The following ZC3H12B variants were observed in gnomAD, a reference collection of about 807,000 sequenced individuals.
ZC3H12B encodes the protein zinc finger CCCH-type containing 12B.
ZC3H12B carries 7 observed loss-of-function variants against 43.9 expected under a neutral mutation model. The ratio of observed to expected loss-of-function variants is 0.16; its 90% CI spans 0.09 to 0.30. ZC3H12B has a LOEUF of 0.30. Among genes scored for constraint, ZC3H12B ranks in the 10% least tolerant of loss-of-function variants. ZC3H12B has a pLI of 1.00. For missense variants in ZC3H12B, 475 were observed against 670.2 expected (o/e 0.71, Z 3.22); for synonymous variants, 222 against 241.7 (o/e 0.92, Z 0.76).
chrX:65,368,313 A>T (rs2066200091), intron 1 of ZC3H12B, among the ~76,000 whole-genome samples: 1 of 111,503 alleles, frequency 9.0e-6, no homozygotes, highest in Non-Finnish European at 1.9e-5. Flanking sequence ...TGTTTATTCT[A>T]AATTGTGGTC....
At chrX:65,217,372 A>G in the ZC3H12B span, among the ~76,000 whole-genome samples, 11 of 111,686 alleles carry the variant, frequency 9.8e-5, no homozygotes, top group Non-Finnish European at 2.1e-4. Flanking sequence ...GAAGACTGGA[A>G]TAAATGCCCA....
At chrX:65,058,858 C>T in the ZC3H12B span, among the ~76,000 whole-genome samples, 5 of 112,244 alleles carry the variant, frequency 4.5e-5, no homozygotes, top group African/African-American at 6.5e-5. Context: ...GCTTCGTGGG[C>T]GTGTGACCCT....
chrX:65,302,570 G>A, the ZC3H12B span, among the ~76,000 whole-genome samples: 2 of 112,038 alleles, frequency 1.8e-5, no homozygotes, highest in African/African-American at 6.5e-5. Flanking sequence ...ATATTTTGAA[G>A]ATGTCACTTC....
At chrX:65,361,730 G>A (rs1293490147), upstream of ZC3H12B, among the ~76,000 whole-genome samples, 5 of 109,800 alleles carry the variant, frequency 4.6e-5, no homozygotes, top group Non-Finnish European at 9.5e-5. Flanking sequence ...TTATTACCCA[G>A]CCCACTCCCA....
chrX:65,390,636 C>T (rs2066601757), intron 2 of ZC3H12B, among the ~76,000 whole-genome samples: 1 of 109,161 alleles, frequency 9.2e-6, no homozygotes, highest in Admixed American at 9.9e-5. Context: ...TCAACCCCCA[C>T]CCCCACCTTC....
the ZC3H12B span, among the ~76,000 whole-genome samples, chrX:65,256,671 C>CA: frequency 1.8e-5 from 2 of 111,087 alleles, no homozygotes; most frequent in African/African-American, 6.6e-5. Context: ...TAGCAGAAGA[C>CA]AAAAAATAAC....
At chrX:65,376,676 T>C (rs2066351071) in intron 2 of ZC3H12B, among the ~76,000 whole-genome samples, 1 of 112,187 alleles carries the variant, frequency 8.9e-6, no homozygotes, top group African/African-American at 3.2e-5. Flanking sequence ...ACCAAAGTGA[T>C]ACCTTTTTGA....
chrX:65,172,814 T>C, the ZC3H12B span, among the ~76,000 whole-genome samples: 1 of 112,332 alleles, frequency 8.9e-6, no homozygotes, highest in Admixed American at 9.5e-5. Flanking sequence ...AGCATGCTGT[T>C]TTTATTACTG....
At chrX:65,152,756 AAAG>A in the ZC3H12B span, among the ~76,000 whole-genome samples, 1 of 111,678 alleles carries the variant, frequency 9.0e-6, no homozygotes, top group Non-Finnish European at 1.9e-5. Flanking sequence ...TGGAACCAAA[AAAG>A]AGCCCGCATT....
At chrX:65,125,163 G>GAGCAAAACCAAAACCC in the ZC3H12B span, among the ~76,000 whole-genome samples, 1 of 111,236 alleles carries the variant, frequency 9.0e-6, no homozygotes, top group East Asian at 2.8e-4. Context: ...CTGTAACCCA[G>GAGCAAAACCAAAACCC]AGGTTTTGGT....
chrX:65,328,781 G>A, the ZC3H12B span, among the ~76,000 whole-genome samples: 1 of 94,867 alleles, frequency 1.1e-5, no homozygotes, highest in African/African-American at 4.0e-5. Context: ...TCCCACATAT[G>A]AGTGAGAAAA....
At chrX:65,387,163 C>A (rs1050445189) in intron 2 of ZC3H12B, among the ~76,000 whole-genome samples, 3 of 111,491 alleles carry the variant, frequency 2.7e-5, no homozygotes, top group African/African-American at 9.8e-5. Flanking sequence ...CTATTAGGTC[C>A]GCTTGGTGCA....
At chrX:65,333,310 G>A in the ZC3H12B span, among the ~76,000 whole-genome samples, 1 of 111,946 alleles carries the variant, frequency 8.9e-6, no homozygotes, top group Non-Finnish European at 1.9e-5. Flanking sequence ...ACTGTGTCCT[G>A]TTGCAAAGGA....
the ZC3H12B span, among the ~76,000 whole-genome samples, chrX:65,333,614 T>C: frequency 8.9e-6 from 1 of 112,276 alleles, no homozygotes; most frequent in Non-Finnish European, 1.9e-5. Flanking sequence ...CTGCTTGATA[T>C]TCATGAACAT....
At chrX:65,489,452 C>T in intron 1 of ZC3H12B, 43 bp downstream of exon 6, 8 of 1,140,066 alleles carry the variant, frequency 7.0e-6, no homozygotes, top group Non-Finnish European at 9.3e-6. Flanking sequence ...AAAAACTGCC[C>T]TGAGCTCATA....
the ZC3H12B span, among the ~76,000 whole-genome samples, chrX:65,157,279 TTTTTA>T: frequency 8.9e-6 from 1 of 112,525 alleles, no homozygotes; most frequent in African/African-American, 3.2e-5. Context: ...CCACTCATTC[TTTTTA>T]TTATCCTTGC....
At chrX:65,251,983 G>A in the ZC3H12B span, among the ~76,000 whole-genome samples, 1 of 111,956 alleles carries the variant, frequency 8.9e-6, no homozygotes, top group Non-Finnish European at 1.9e-5. Context: ...TTGAATAGGA[G>A]TGGTGAGAGA....
At chrX:65,211,132 C>T in the ZC3H12B span, among the ~76,000 whole-genome samples, 1 of 101,341 alleles carries the variant, frequency 9.9e-6, no homozygotes, top group Non-Finnish European at 2.0e-5. Flanking sequence ...CTGTTCATAT[C>T]CTTTGCCCAC....
At chrX:65,450,808 T>A (rs1282152525) in intron 3 of ZC3H12B, among the ~76,000 whole-genome samples, 5 of 73,269 alleles carry the variant, frequency 6.8e-5, no homozygotes, top group Non-Finnish European at 9.1e-5. Context: ...TACATATGTG[T>A]ATATATGTAT....
Sources: allele counts gnomAD v4.1 joint callset (sites outside exome capture counted in the v4.1 genomes callset), GRCh38; gene constraint gnomAD v4.1.1; transcripts MANE v1.5; gene names NCBI Gene and HGNC (gene_info 2026-07-23, HGNC 2026-07-21).